Variants in PCDHA8 observed in about 807,000 individuals in gnomAD.
The protein encoded by PCDHA8 is protocadherin alpha-8.
PCDHA8 carries 53 observed loss-of-function variants against 61.8 expected under a neutral mutation model. The observed-to-expected ratio is 0.86, with a 90% CI of 0.69 to 1.08. The LOEUF (loss-of-function observed/expected upper bound fraction) is 1.08, where lower values mean the gene tolerates loss of function less well. Among genes scored for constraint, PCDHA8 ranks in the 50% least tolerant of loss-of-function variants. PCDHA8 has a pLI of 0.00. For missense variants in PCDHA8, 1,293 were observed against 1,245.0 expected (o/e 1.04, Z -0.58); for synonymous variants, 618 against 556.6 (o/e 1.11, Z -1.55).
At chr5:140,871,134 C>G in intron 1 of PCDHA8, 9 of 1,613,414 alleles carry the variant, frequency 5.6e-6, no homozygotes, top group Non-Finnish European at 6.8e-6. Flanking sequence ...CGCCAAAGGC[C>G]TCTTCCCGGA....
At position 140,883,268 on chromosome 5, in the gene PCDHA8, T is replaced by C. The variant is rs782069573; in HGVS notation, c.2394+39553T>C. 3 of 1,613,912 alleles carry C rather than the reference T, an allele frequency of 1.9e-6. No homozygotes were observed. The African/African-American group carries it at 4.0e-5, about 22-fold the overall frequency. On this transcript the variant is annotated intron_variant, in intron 1 of 3. Coordinates refer to ENST00000531613, the MANE Select transcript of PCDHA8 (RefSeq NM_018911.3). ...AGGAAATATTCCAATGGCGGGTCAT[T>C]GTACCCTTTTGGTGGAAGTACTAGA...
intron 1 of PCDHA8, among the ~76,000 whole-genome samples, chr5:140,905,476 C>A (rs904790256): frequency 6.6e-6 from 1 of 152,158 alleles, no homozygotes; most frequent in East Asian, 1.9e-4. Flanking sequence ...GTGATGCCTT[C>A]AGATTTCTTC....
chr5:140,923,078 G>A (rs1392146044), intron 1 of PCDHA8, among the ~76,000 whole-genome samples: 1 of 152,200 alleles, frequency 6.6e-6, no homozygotes, highest in African/African-American at 2.4e-5. Context: ...CCTCATGTCA[G>A]CACTTATTTG....
chr5:140,916,743 G>C (rs1355752854), intron 1 of PCDHA8, among the ~76,000 whole-genome samples: 1 of 152,156 alleles, frequency 6.6e-6, no homozygotes, highest in African/African-American at 2.4e-5. Context: ...AAGCTTCACT[G>C]CCTGGGATTA....
At chr5:140,958,995 T>G (rs868959473) in intron 1 of PCDHA8, among the ~76,000 whole-genome samples, 1 of 152,148 alleles carries the variant, frequency 6.6e-6, no homozygotes, top group African/African-American at 2.4e-5. Flanking sequence ...TGCTAATCTT[T>G]TACTGTACCT....
intron 1 of PCDHA8, among the ~76,000 whole-genome samples, chr5:140,924,643 C>G (rs2081929149): frequency 1.3e-5 from 2 of 152,196 alleles, no homozygotes; most frequent in Admixed American, 1.3e-4. Flanking sequence ...ACCTGTAATC[C>G]CAGCACTTTG....
At chr5:140,996,650 G>A (rs943173536) in intron 3 of PCDHA8, among the ~76,000 whole-genome samples, 2 of 152,042 alleles carry the variant, frequency 1.3e-5, no homozygotes, top group Non-Finnish European at 2.9e-5. Context: ...GTTAATCCTG[G>A]GTGCAGGCTA....
rs1241604273 is a variant in PCDHA8, at chr5:140,841,714, A to G, written c.393A>G (p.Pro131=). ...VEVKDVNDNP[P]VFRVKDQKLF... ...TGAAGGATGTTAATGACAACCCGCC[A>G]GTGTTCCGGGTAAAAGACCAAAAGC... The change falls in exon 1 of 4, where the codon CCA becomes CCG. Residue 131 remains proline (P), a synonymous_variant. Coordinates refer to ENST00000531613, the MANE Select transcript of PCDHA8 (RefSeq NM_018911.3). The G allele has an allele frequency of 2.5e-6, 4 of 1,613,762 alleles. No individual in the cohort carries two copies. In the African/African-American group the frequency reaches 4.0e-5, roughly 16 times the overall value.
At chr5:140,928,298 C>T in intron 1 of PCDHA8, 2 of 1,614,128 alleles carry the variant, frequency 1.2e-6, no homozygotes, top group South Asian at 1.1e-5. Context: ...CGAGTGTTTG[C>T]CCAGGACCCC....
At chr5:140,953,228 G>C (rs2094861370) in intron 1 of PCDHA8, among the ~76,000 whole-genome samples, 2 of 152,124 alleles carry the variant, frequency 1.3e-5, no homozygotes, top group African/African-American at 4.8e-5. Context: ...CTTCTGCTTG[G>C]TAGCAGTTCA....
rs1317761194 is a variant in PCDHA8 at position 140,848,794 on chromosome 5, C to T, written c.2394+5079C>T. The T allele has an allele frequency of 3.1e-6, 5 of 1,592,486 alleles. No homozygotes were observed. The African/African-American group carries it at 5.4e-5, about 17-fold the overall frequency. On this transcript the variant is annotated intron_variant, in intron 1 of 3. Transcript: ENST00000531613. ...CGCGAGGAGCTGTGCGGGCGGAGCG[C>T]GGAGTGCAGCATCCACCTGGAGGTG...
intron 1 of PCDHA8, chr5:140,927,999 C>T: frequency 6.2e-7 from 1 of 1,614,174 alleles, no homozygotes; most frequent in Non-Finnish European, 8.5e-7. Flanking sequence ...ATGAAGACCT[C>T]GATTCTAATG....
intron 1 of PCDHA8, chr5:140,927,616 G>T (rs1228559116): frequency 6.2e-7 from 1 of 1,614,164 alleles, no homozygotes; most frequent in South Asian, 1.1e-5. Flanking sequence ...CCGCACCAAG[G>T]TTCCAGAGAC....
intron 1 of PCDHA8, chr5:140,858,242 C>G (rs1554151322): frequency 6.3e-7 from 1 of 1,596,300 alleles, no homozygotes; most frequent in Non-Finnish European, 8.6e-7. Flanking sequence ...CGCATGTGGG[C>G]CGGTGAAGCC....
chr5:140,856,340 A>G (rs1554148561), intron 1 of PCDHA8: 1 of 1,598,438 alleles, frequency 6.3e-7, no homozygotes, highest in Non-Finnish European at 8.6e-7. Flanking sequence ...GTGCGGGCGG[A>G]GCGTGGAGTG....
intron 1 of PCDHA8, chr5:140,966,538 C>G: frequency 2.2e-6 from 1 of 463,262 alleles, no homozygotes; most frequent in Non-Finnish European, 3.7e-6. Flanking sequence ...GGTTGAGCGA[C>G]TCGGAGGCGA....
chr5:140,841,903 C>T lies in PCDHA8; in HGVS notation c.582C>T (p.Leu194=), dbSNP rs1318755251. ...SKNDENKLVE[L]VLRKSLDRED... ...ACGATGAGAATAAACTGGTTGAGCT[C>T]GTATTAAGAAAATCCTTGGACAGAG... The change falls in exon 1 of 4, where the codon CTC becomes CTT. Residue 194 remains leucine, a synonymous_variant. Transcript: ENST00000531613. 1.4e-5 allele frequency: 22 copies of T among 1,613,682 alleles called. 1 individual carries two copies. Among genetic ancestry groups the T allele is most frequent in the Non-Finnish European group, 1.9e-5 (22 of 1,179,842 alleles).
chr5:141,003,017 G>T (rs1398844749), intron 3 of PCDHA8, among the ~76,000 whole-genome samples: 1 of 152,240 alleles, frequency 6.6e-6, no homozygotes, highest in Non-Finnish European at 1.5e-5. Flanking sequence ...GGGAAAGTCA[G>T]TGTAAATCAG....
intron 1 of PCDHA8, chr5:140,967,749 C>A (rs1554229896): frequency 1.2e-6 from 2 of 1,614,172 alleles, no homozygotes; most frequent in Non-Finnish European, 1.7e-6. Context: ...TATGAGGAAG[C>A]CTCCTCCTAC....
Sources: gnomAD v4.1 joint callset for allele counts (sites outside exome capture counted in the v4.1 genomes callset) on GRCh38, gnomAD v4.1.1 for gene constraint, MANE v1.5 for transcripts, NCBI Gene and HGNC (gene_info 2026-07-23, HGNC 2026-07-21) for gene names.